Variants in ADGB observed in about 807,000 individuals in gnomAD.
ADGB encodes the protein calpain-7-like protein.
A neutral mutation model predicts 210.5 loss-of-function variants in ADGB; 172 were observed. That is an observed-to-expected ratio of 0.82 (90% CI 0.72 to 0.93). The LOEUF (loss-of-function observed/expected upper bound fraction) is 0.93. Ranked by LOEUF, ADGB falls within the 40% of genes least tolerant of loss-of-function variation. The pLI is 0.00. For missense variants in ADGB, 2,025 were observed against 1,964.8 expected, an observed-to-expected ratio of 1.03 and a Z score of -0.58; for synonymous variants, 658 against 662.7, an observed-to-expected ratio of 0.99 and a Z score of 0.11.
intron 27 of ADGB, among the ~76,000 whole-genome samples, chr6:146,753,232 G>C (rs1777352547): frequency 6.6e-6 from 1 of 151,958 alleles, no homozygotes; most frequent in Non-Finnish European, 1.5e-5. Context: ...TGGAAAAATA[G>C]AAAATTACAA....
intron 13 of ADGB, among the ~76,000 whole-genome samples, chr6:146,707,823 T>C (rs1001093868): frequency 1.3e-5 from 2 of 152,122 alleles, no homozygotes; most frequent in African/African-American, 4.8e-5. Flanking sequence ...GAGAATCTAA[T>C]CCATTTACAT....
chr6:146,804,283 A>G (rs73786783), intron 35 of ADGB, among the ~76,000 whole-genome samples: 1 of 152,054 alleles, frequency 6.6e-6, no homozygotes, highest in South Asian at 2.1e-4. Flanking sequence ...ACTCCTACAC[A>G]TCCCCAAAGA....
In ADGB at chr6:146,801,833, CAG is replaced by C; in HGVS notation, c.4642_4643del (p.Asp1548TyrfsTer9). ...TTGATGACTTTTGTATCAAGGAAAA[CAG>C]ATACAGATCCTCTGCTGCAAACAGA... On this transcript the variant is annotated frameshift_variant, in exon 35 of 36. Coordinates refer to ENST00000397944, the MANE Select transcript of ADGB (RefSeq NM_024694.4). LOFTEE classifies it high-confidence loss of function. 3.3e-6 allele frequency: 5 copies of C among 1,537,590 alleles called. No individual in the cohort carries two copies. Among genetic ancestry groups the C allele is most frequent in the Non-Finnish European group, 4.4e-6 (5 of 1,140,488 alleles).
rs1252528144 is a variant in ADGB, at chr6:146,812,128, TTCTG to T, written c.4819-2900_4819-2897del. 3.3e-5 allele frequency among the ~76,000 whole-genome samples: 5 copies of T among 152,344 alleles called. No homozygotes were observed. In the East Asian group the frequency reaches 5.8e-4, roughly 18 times the overall value. On this transcript the variant is annotated intron_variant, in intron 35 of 35. Coordinates refer to ENST00000397944, the MANE Select transcript of ADGB (RefSeq NM_024694.4). ...CATACTTCTCTGGGATGTTTTCATT[TTCTG>T]TCTAAGTATTATTTGTTTCATTTTA...
chr6:146,775,444 C>T (rs1479429750), intron 29 of ADGB, among the ~76,000 whole-genome samples: 1 of 152,110 alleles, frequency 6.6e-6, no homozygotes, highest in African/African-American at 2.4e-5. Flanking sequence ...AAACTGCTTA[C>T]TGAGATGGTT....
intron 27 of ADGB, among the ~76,000 whole-genome samples, chr6:146,759,005 T>C (rs550566456): frequency 6.6e-6 from 1 of 152,094 alleles, no homozygotes; most frequent in East Asian, 1.9e-4. Flanking sequence ...TAAAAGACAC[T>C]GAATTTAAAA....
intron 5 of ADGB, among the ~76,000 whole-genome samples, chr6:146,663,335 G>T (rs1451158438): frequency 1.3e-5 from 2 of 151,432 alleles, no homozygotes; most frequent in East Asian, 3.9e-4. Context: ...CTGGAGGCTG[G>T]GAAGTGTGAG....
intron 27 of ADGB, among the ~76,000 whole-genome samples, chr6:146,754,890 C>T (rs984701939): frequency 6.6e-6 from 1 of 151,948 alleles, no homozygotes; most frequent in Non-Finnish European, 1.5e-5. Flanking sequence ...AAAAGTCAAA[C>T]TTGCTAATTA....
rs1242927229 is a variant in ADGB, at chr6:146,815,081, A to G, written c.4868A>G (p.Tyr1623Cys). The G allele has an allele frequency of 7.1e-6, 11 of 1,548,148 alleles. No individual in the cohort carries two copies. Among genetic ancestry groups the G allele is most frequent in the Non-Finnish European group, 8.7e-6 (10 of 1,146,154 alleles). ...RQKIFDIREE[Y>C]RNKLLEAEHL... ...AAAATTTTCGACATCCGGGAAGAGT[A>G]CAGAAACAAATTGCTGGAAGCTGAG... is the stretch of plus-strand genomic sequence containing the variant. The change falls in exon 36 of 36, where the codon TAC becomes TGC. Residue 1623 changes from tyrosine (Y) to cysteine (C), a missense_variant. Physicochemically the swap from Tyr to Cys is radical, Grantham distance 194. Coordinates refer to ENST00000397944, the MANE Select transcript of ADGB (RefSeq NM_024694.4).
chr6:146,767,221 G>A (rs259424), intron 28 of ADGB, among the ~76,000 whole-genome samples: 1 of 151,900 alleles, frequency 6.6e-6, no homozygotes, highest in Non-Finnish European at 1.5e-5. Flanking sequence ...GAACTATTAT[G>A]ATAATGGAAA....
chr6:146,814,757 TA>T (rs1354859338), intron 35 of ADGB, among the ~76,000 whole-genome samples: 1 of 152,212 alleles, frequency 6.6e-6, no homozygotes, highest in African/African-American at 2.4e-5. Flanking sequence ...TGAAATCATT[TA>T]AACAGAATAC....
At chr6:146,733,863 T>C (rs1777039739) in intron 21 of ADGB, 30 bp from the exon 22 acceptor site, 1 of 1,551,028 alleles carries the variant, frequency 6.4e-7, no homozygotes, top group Non-Finnish European at 8.7e-7. Flanking sequence ...AATATAACTT[T>C]CAGTCCAAAG....
Position 146,666,847 on chromosome 6 carries a change from G to T in ADGB, c.784G>T (p.Glu262Ter), listed in dbSNP as rs763044127. Residue 262 changes from glutamate (E) to a stop codon, truncating the protein, a stop_gained, in exon 7 of 36, where the codon GAG (glutamate) becomes TAG (stop). Coordinates refer to ENST00000397944, the MANE Select transcript of ADGB (RefSeq NM_024694.4). LOFTEE classifies it high-confidence loss of function. The stretch of plus-strand genomic sequence containing the variant: ...TGTAGCAGACAGGAGAGAGCTGGGG[G>T]AGTTCACGGTTATTCATGCGCTCAC... ...IHVADRRELG[E>*]FTVIHALTGW... 4 of 1,548,460 alleles carry T rather than the reference G, an allele frequency of 2.6e-6. No individual in the cohort carries two copies. The South Asian group carries it at 3.6e-5, about 14-fold the overall frequency.
At chr6:146,638,578 G>T in intron 2 of ADGB, among the ~76,000 whole-genome samples, 1 of 108,164 alleles carries the variant, frequency 9.2e-6, no homozygotes, top group South Asian at 3.5e-4. Flanking sequence ...CACAGGAAAG[G>T]GAACATCACA....
chr6:146,773,201 C>A (rs548426504), intron 29 of ADGB, among the ~76,000 whole-genome samples: 1 of 151,684 alleles, frequency 6.6e-6, no homozygotes, highest in Non-Finnish European at 1.5e-5. Flanking sequence ...GACTTCATAA[C>A]GTTAGACATT....
chr6:146,811,984 T>C (rs1778310274), intron 35 of ADGB, among the ~76,000 whole-genome samples: 1 of 152,206 alleles, frequency 6.6e-6, no homozygotes, highest in Non-Finnish European at 1.5e-5. Context: ...TGCTGTGTTT[T>C]TTAAACTATT....
chr6:146,639,496 T>A (rs954513216), intron 2 of ADGB, among the ~76,000 whole-genome samples: 3 of 151,870 alleles, frequency 2.0e-5, no homozygotes, highest in Non-Finnish European at 4.4e-5. Context: ...ACCACTCCTA[T>A]TCAACACAGT....
At chr6:146,655,474 T>C (rs894605883) in intron 4 of ADGB, among the ~76,000 whole-genome samples, 3 of 152,196 alleles carry the variant, frequency 2.0e-5, no homozygotes, top group Non-Finnish European at 4.4e-5. Flanking sequence ...CAAGCAGGCC[T>C]GTTCCACTCC....
Position 146,721,509 on chromosome 6 carries a change from A to G in ADGB, c.2095+4A>G. The G allele has an allele frequency of 2.7e-6, 4 of 1,466,912 alleles. No individual in the cohort carries two copies. Among genetic ancestry groups the G allele is most frequent in the Non-Finnish European group, 3.6e-6 (4 of 1,097,450 alleles). 90.9% of individuals were successfully genotyped at this position (1,466,912 alleles called of 1,614,324 possible). A position where few individuals can be genotyped will look rare whatever the true frequency, so the allele number is the denominator to read the frequency against. On this transcript the variant is annotated splice_donor_region_variant and intron_variant, in intron 17 of 35. Coordinates refer to ENST00000397944, the MANE Select transcript of ADGB (RefSeq NM_024694.4). ...GTACGCTGGGGGGAGTATGGAGGTA[A>G]GAGGGCTCTGAGAAAATGATAGCCT...
Sources: gnomAD v4.1 joint callset for allele counts (sites outside exome capture counted in the v4.1 genomes callset) on GRCh38, gnomAD v4.1.1 for gene constraint, MANE v1.5 for transcripts, NCBI Gene and HGNC (gene_info 2026-07-23, HGNC 2026-07-21) for gene names.